The following ACER3 variants were observed in gnomAD, a reference collection of about 807,000 sequenced individuals.
ACER3 encodes the protein alkCDase 3.
In ACER3, 16 loss-of-function variants were observed where a neutral mutation model predicts 48.9. The ratio of observed to expected loss-of-function variants is 0.33; its 90% CI spans 0.22 to 0.50. ACER3 has a LOEUF of 0.50. Among genes scored for constraint, ACER3 ranks in the 20% least tolerant of loss-of-function variants. The probability of loss-of-function intolerance (pLI) is 0.98; values close to 1 mark genes in which losing one functional copy is unlikely to be tolerated. For synonymous variants in ACER3, 109 were observed against 107.8 expected, an observed-to-expected ratio of 1.01 and a Z score of -0.07; for missense variants, 227 against 326.0, an observed-to-expected ratio of 0.70 and a Z score of 2.34.
chr11:76,983,168 G>A (rs980206359), intron 4 of ACER3, among the ~76,000 whole-genome samples: 1 of 152,140 alleles, frequency 6.6e-6, no homozygotes, highest in Non-Finnish European at 1.5e-5. Flanking sequence ...CCAGTTTGAG[G>A]AAAGTTAATA....
intron 1 of ACER3, among the ~76,000 whole-genome samples, chr11:76,882,221 G>T (rs1945546496): frequency 6.7e-6 from 1 of 149,950 alleles, no homozygotes; most frequent in African/African-American, 2.5e-5. Context: ...TAGCCAGGAT[G>T]GTCTCGATCT....
intron 1 of ACER3, among the ~76,000 whole-genome samples, chr11:76,896,020 C>A (rs1236691720): frequency 6.6e-6 from 1 of 152,136 alleles, no homozygotes; most frequent in East Asian, 1.9e-4. Context: ...TACTGGACAA[C>A]CATAATCACC....
intron 4 of ACER3, among the ~76,000 whole-genome samples, chr11:76,977,939 G>A (rs576605014): frequency 2.4e-4 from 37 of 152,312 alleles, no homozygotes; most frequent in South Asian, 1.2e-3. Flanking sequence ...GGCCGAGCCC[G>A]GGTGCTGCCA....
At chr11:76,970,424 C>T (rs1290405119) in intron 3 of ACER3, among the ~76,000 whole-genome samples, 1 of 152,114 alleles carries the variant, frequency 6.6e-6, no homozygotes, top group Non-Finnish European at 1.5e-5. Flanking sequence ...GGACATTATA[C>T]AAAACATCTG....
chr11:76,936,104 T>TG (rs1400461401), intron 2 of ACER3, among the ~76,000 whole-genome samples: 1 of 152,212 alleles, frequency 6.6e-6, no homozygotes, highest in Non-Finnish European at 1.5e-5. Flanking sequence ...TCCACATGGC[T>TG]GGGGAATCAT....
At chr11:76,878,520 T>C (rs1945443448) in intron 1 of ACER3, among the ~76,000 whole-genome samples, 1 of 152,102 alleles carries the variant, frequency 6.6e-6, no homozygotes, top group Non-Finnish European at 1.5e-5. Context: ...AGTAGTATGT[T>C]TCTTTTGATT....
intron 1 of ACER3, among the ~76,000 whole-genome samples, chr11:76,893,814 T>C (rs1332732586): frequency 1.3e-5 from 2 of 152,262 alleles, no homozygotes. Context: ...AAACTACCTT[T>C]TTTTAATCCA....
Position 76,998,750 on chromosome 11 carries a change from C to T in ACER3, c.439-13C>T, listed in dbSNP as rs782608507. 7 of 1,580,144 alleles carry T rather than the reference C, an allele frequency of 4.4e-6. No individual in the cohort carries two copies. The highest frequency in any genetic ancestry group is 1.8e-5 in the Admixed American group (1 of 54,208). Reference sequence around the variant, plus strand: ...TAATGATTGTACTAACCTCATTTTCCGTTCCTATTTAGGTCATGTATGGAA... The same window carrying T: ...TAATGATTGTACTAACCTCATTTTCTGTTCCTATTTAGGTCATGTATGGAA... On this transcript the variant is annotated splice_polypyrimidine_tract_variant and intron_variant, in intron 6 of 10. Coordinates refer to ENST00000532485, the MANE Select transcript of ACER3 (RefSeq NM_018367.7).
At chr11:76,875,778 G>A (rs184486930) in intron 1 of ACER3, among the ~76,000 whole-genome samples, 7 of 110,630 alleles carry the variant, frequency 6.3e-5, no homozygotes, top group African/African-American at 2.6e-4. Flanking sequence ...CTGTGTTGCC[G>A]AGGCTGGAGT....
intron 1 of ACER3, among the ~76,000 whole-genome samples, chr11:76,871,539 GTTA>G (rs1164904049): frequency 6.6e-6 from 1 of 152,202 alleles, no homozygotes; most frequent in Admixed American, 6.5e-5. Context: ...AAAGAGTTAA[GTTA>G]TTATTTAAAT....
chr11:76,912,816 G>A (rs1044557448), intron 1 of ACER3, among the ~76,000 whole-genome samples: 6 of 152,124 alleles, frequency 3.9e-5, no homozygotes, highest in Non-Finnish European at 8.8e-5. Context: ...CTATTGTATT[G>A]TTAGCGGTGG....
intron 3 of ACER3, among the ~76,000 whole-genome samples, chr11:76,964,322 G>C (rs1319784192): frequency 6.6e-6 from 1 of 151,410 alleles, no homozygotes; most frequent in Non-Finnish European, 1.5e-5. Context: ...CGGGAAGCTC[G>C]AACTGGATGA....
At chr11:76,943,184 C>A (rs1189788547) in intron 2 of ACER3, among the ~76,000 whole-genome samples, 1 of 151,600 alleles carries the variant, frequency 6.6e-6, no homozygotes, top group East Asian at 1.9e-4. Context: ...TATCTTTGTA[C>A]TTCTTTTCTT....
chr11:76,949,943 A>T (rs1947595512), intron 2 of ACER3, among the ~76,000 whole-genome samples: 1 of 152,128 alleles, frequency 6.6e-6, no homozygotes, highest in Non-Finnish European at 1.5e-5. Context: ...AGCTATATCA[A>T]ACTACTTGCT....
chr11:76,973,166 C>T (rs1266829625), intron 3 of ACER3, among the ~76,000 whole-genome samples: 7 of 152,220 alleles, frequency 4.6e-5, no homozygotes, highest in African/African-American at 7.2e-5. Context: ...AGGCAGGCAA[C>T]GGATTCCCCT....
chr11:76,894,018 C>A (rs918005551), intron 1 of ACER3, among the ~76,000 whole-genome samples: 3 of 152,158 alleles, frequency 2.0e-5, no homozygotes, highest in Non-Finnish European at 2.9e-5. Flanking sequence ...CAGCCAGGCA[C>A]GGTGGCTCAT....
chr11:76,868,385 C>CTGTGTGTGTGTGTGTGTG (rs1305396681), intron 1 of ACER3: 1 of 538,202 alleles, frequency 1.9e-6, no homozygotes, highest in African/African-American at 2.2e-5. Flanking sequence ...ATCTCTCTCT[C>CTGTGTGTGTGTGTGTGTG]TCTCTCTGTG....
chr11:76,950,381 A>G lies in ACER3; in HGVS notation c.215-8598A>G, dbSNP rs1185888420. 5.3e-3 allele frequency among the ~76,000 whole-genome samples: 147 copies of G among 27,878 alleles called. 11 individuals are homozygous for G. Among genetic ancestry groups the G allele is most frequent in the Non-Finnish European group, 9.4e-3 (112 of 11,898 alleles). The allele number at this position is 27,878 out of a possible 152,430, so 18.3% of individuals were successfully genotyped here. On this transcript the variant is annotated intron_variant, in intron 2 of 10. Transcript: ENST00000532485. ...TATATATATATATATATATATATAT[A>G]TATATATATATATATATATATATAT...
chr11:76,921,397 A>G (rs1375009195), intron 1 of ACER3, among the ~76,000 whole-genome samples: 1 of 152,182 alleles, frequency 6.6e-6, no homozygotes, highest in Non-Finnish European at 1.5e-5. Flanking sequence ...ATTTTTGTGT[A>G]AGGAGTGTGA....
Sources: gnomAD v4.1 joint callset for allele counts (sites outside exome capture counted in the v4.1 genomes callset) on GRCh38, gnomAD v4.1.1 for gene constraint, MANE v1.5 for transcripts, NCBI Gene and HGNC (gene_info 2026-07-23, HGNC 2026-07-21) for gene names.